PUM1: variants seen among roughly 807,000 people sequenced by gnomAD.
The protein encoded by PUM1 is pumilio RNA binding family member 1, also known as pumilio homolog 1.
In PUM1, 13 loss-of-function variants were observed where a neutral mutation model predicts 131.8. That is an observed-to-expected ratio of 0.10 (90% CI 0.06 to 0.16). The LOEUF (loss-of-function observed/expected upper bound fraction) is 0.16, where lower values mean the gene tolerates loss of function less well. Ranked by LOEUF, PUM1 falls within the 10% of genes least tolerant of loss-of-function variation. The pLI is 1.00. For synonymous variants in PUM1, 509 were observed against 556.5 expected (o/e 0.91, Z 1.20); for missense variants, 961 against 1,512.4 (o/e 0.64, Z 6.05).
intron 2 of PUM1, among the ~76,000 whole-genome samples, chr1:31,049,189 C>T (rs547868228): frequency 6.7e-6 from 1 of 149,896 alleles, no homozygotes; most frequent in East Asian, 2.0e-4. Flanking sequence ...TGGGTGACAG[C>T]GAAACTCTGT....
At chr1:31,031,379 GA>G (rs1173141846) in intron 2 of PUM1, among the ~76,000 whole-genome samples, 1 of 152,028 alleles carries the variant, frequency 6.6e-6, no homozygotes, top group South Asian at 2.1e-4. Flanking sequence ...GGAGGAGTAA[GA>G]AAAAAAGTAT....
chr1:31,037,206 T>G lies in PUM1; in HGVS notation c.364-8342A>C, dbSNP rs115675393. 5.1e-3 allele frequency: 777 copies of G among 153,068 alleles called. 4 individuals carry two copies. The highest frequency in any genetic ancestry group is 0.032 in the East Asian group (164 of 5,180). The allele number at this position is 153,068 out of a possible 1,614,324, so 9.5% of individuals were successfully genotyped here. On this transcript the variant is annotated intron_variant, in intron 2 of 21. Transcript: ENST00000426105. ...GAGCTAGAAAATAATATAGATCAGA[T>G]CTTGAAATAAATTGAAAAGTGGATC...
chr1:30,954,010 G>C, intron 14 of PUM1, 29 bp from the exon 15 acceptor site: 4 of 1,599,244 alleles, frequency 2.5e-6, no homozygotes, highest in South Asian at 1.1e-5. Context: ...GATAACTTAA[G>C]ACCACTCTTC....
rs769736837 is a variant in PUM1 at position 31,059,355 on chromosome 1, ACTC to A, written c.209_211del (p.Gly70del). Reference sequence around the variant, plus strand: ...AGCGTCGTCCTGGGAACGGCCTGCAACTCCTATAGATCCTGGGACAGGGCTGGA... The same window carrying A: ...AGCGTCGTCCTGGGAACGGCCTGCAACTATAGATCCTGGGACAGGGCTGGA... On this transcript the variant is annotated inframe_deletion, in exon 2 of 22. Coordinates refer to ENST00000426105, the MANE Select transcript of PUM1 (RefSeq NM_001020658.2). 7 of 1,613,958 alleles carry A rather than the reference ACTC, an allele frequency of 4.3e-6. No individual in the cohort carries two copies. In the Admixed American group the frequency reaches 1.2e-4, roughly 27 times the overall value.
intron 14 of PUM1, among the ~76,000 whole-genome samples, chr1:30,957,965 AC>A (rs1488448224): frequency 2.0e-5 from 3 of 152,264 alleles, no homozygotes; most frequent in Non-Finnish European, 2.9e-5. Flanking sequence ...AGTCCAAAAT[AC>A]GTTAATTGTC....
rs143452362 is a variant in PUM1 at position 31,039,665 on chromosome 1, T to C, written c.364-10801A>G. ...CCTGTAATCCCAACACTTTGGGAGG[T>C]TGAGGCAGGCTAATCACCTGAGGTC... On this transcript the variant is annotated intron_variant, in intron 2 of 21. Coordinates refer to ENST00000426105, the MANE Select transcript of PUM1 (RefSeq NM_001020658.2). Among the ~76,000 whole-genome samples, 421 of 144,286 alleles carry C rather than the reference T, an allele frequency of 2.9e-3. 4 individuals are homozygous for C. In the East Asian group the frequency reaches 0.039, roughly 13 times the overall value. 94.7% of individuals were successfully genotyped at this position (144,286 alleles called of 152,430 possible). A position where few individuals can be genotyped will look rare whatever the true frequency, so the allele number is the denominator to read the frequency against.
intron 2 of PUM1, among the ~76,000 whole-genome samples, chr1:31,034,423 C>T (rs968175111): frequency 5.9e-5 from 9 of 152,112 alleles, no homozygotes; most frequent in African/African-American, 1.7e-4. Flanking sequence ...CAGTTTCACT[C>T]GAGGTCAGCA....
At chr1:30,992,721 C>T (rs531977503) in intron 6 of PUM1, 61 bp from the exon 7 acceptor site, 64 of 1,474,696 alleles carry the variant, frequency 4.3e-5, no homozygotes, top group Non-Finnish European at 5.3e-5. Context: ...CTACAGCAAC[C>T]CAAGTTTAAG....
chr1:30,988,881 C>T (rs1432255987), intron 7 of PUM1, among the ~76,000 whole-genome samples: 1 of 152,176 alleles, frequency 6.6e-6, no homozygotes, highest in Non-Finnish European at 1.5e-5. Flanking sequence ...AGATTCAGAA[C>T]CCATTAATTT....
In PUM1 at chr1:30,941,544, A is replaced by C. The variant is rs546497118; in HGVS notation, c.3121-272T>G. 2.6e-5 allele frequency among the ~76,000 whole-genome samples: 4 copies of C among 152,342 alleles called. No individual in the cohort carries two copies. In the South Asian group the frequency reaches 8.3e-4, roughly 32 times the overall value. ...CAGTAAATATTCATTTTTCTCAAAC[A>C]CATATACAAATGGTTCACTGCACCT... On this transcript the variant is annotated intron_variant, in intron 19 of 21. Coordinates refer to ENST00000426105, the MANE Select transcript of PUM1 (RefSeq NM_001020658.2).
chr1:31,000,575 T>C (rs1435902120), intron 5 of PUM1, among the ~76,000 whole-genome samples: 3 of 152,242 alleles, frequency 2.0e-5, no homozygotes, highest in Non-Finnish European at 2.9e-5. Flanking sequence ...TACTTCCTAA[T>C]ATACCTATTA....
intron 2 of PUM1, among the ~76,000 whole-genome samples, chr1:31,038,984 A>ATATATATATATATTTTTTTTTTT: frequency 1.4e-4 from 7 of 49,412 alleles, no homozygotes; most frequent in African/African-American, 1.2e-3. Context: ...ATATATATAT[A>ATATATATATATATTTTTTTTTTT]TTTTTTTTTT....
chr1:31,033,312 C>T (rs1165766965), intron 2 of PUM1, among the ~76,000 whole-genome samples: 57 of 151,652 alleles, frequency 3.8e-4, no homozygotes, highest in Non-Finnish European at 3.8e-4. Context: ...TCAAGTGATC[C>T]TCCCATCTCA....
At chr1:30,951,446 A>T (rs1220097912) in intron 16 of PUM1, among the ~76,000 whole-genome samples, 4 of 152,220 alleles carry the variant, frequency 2.6e-5, no homozygotes, top group African/African-American at 9.6e-5. Flanking sequence ...CATACAAATC[A>T]AACAGGATGA....
chr1:31,044,425 T>G (rs926993370), intron 2 of PUM1, among the ~76,000 whole-genome samples: 3 of 151,682 alleles, frequency 2.0e-5, no homozygotes, highest in African/African-American at 7.3e-5. Context: ...AAATAAATGA[T>G]GTACTGATAA....
chr1:31,025,349 T>C (rs946989745), intron 3 of PUM1, among the ~76,000 whole-genome samples: 1 of 152,152 alleles, frequency 6.6e-6, no homozygotes, highest in African/African-American at 2.4e-5. Context: ...ACCAATTCTA[T>C]TTGAATTCTA....
chr1:31,030,757 T>C (rs1172859838), intron 2 of PUM1, among the ~76,000 whole-genome samples: 3 of 151,994 alleles, frequency 2.0e-5, no homozygotes, highest in Non-Finnish European at 4.4e-5. Context: ...GCCTATACAT[T>C]ATATCACCTA....
intron 9 of PUM1, among the ~76,000 whole-genome samples, chr1:30,976,078 G>A (rs1439009064): frequency 7.8e-6 from 1 of 129,018 alleles, no homozygotes; most frequent in South Asian, 2.8e-4. Context: ...ACAGAGCAAA[G>A]AGTGTGTCTC....
rs186619429 is a variant in PUM1 at position 30,992,809 on chromosome 1, G to T, written c.888-149C>A. On this transcript the variant is annotated intron_variant, in intron 6 of 21. Transcript: ENST00000426105. ...AAAATAACCAGAGATACTTTACAGG[G>T]CTTACAGGGTTACATCTTCTAAATT... is the stretch of plus-strand genomic sequence containing the variant. 3.4e-3 allele frequency: 2,377 copies of T among 695,230 alleles called. 69 individuals carry two copies. The Admixed American group carries it at 0.061, about 18-fold the overall frequency. 43.1% of individuals were successfully genotyped at this position (695,230 alleles called of 1,614,324 possible).
Sources: allele counts gnomAD v4.1 joint callset (sites outside exome capture counted in the v4.1 genomes callset), GRCh38; gene constraint gnomAD v4.1.1; transcripts MANE v1.5; gene names NCBI Gene and HGNC (gene_info 2026-07-23, HGNC 2026-07-21).